The following MCTP1 variants were observed in gnomAD, a reference collection of about 807,000 sequenced individuals.
MCTP1 encodes the protein multiple C2 and transmembrane domain-containing protein 1.
Under a neutral mutation model 120.6 loss-of-function variants are expected in MCTP1, and 69 were observed. The ratio of observed to expected loss-of-function variants is 0.57; its 90% CI spans 0.47 to 0.70. The LOEUF is 0.70. Among genes scored for constraint, MCTP1 ranks in the 30% least tolerant of loss-of-function variants. The pLI, the probability that MCTP1 is intolerant of heterozygous loss-of-function variation, is 0.00. For synonymous variants in MCTP1, 529 were observed against 493.1 expected (o/e 1.07, Z -0.96); for missense variants, 1,203 against 1,248.8 (o/e 0.96, Z 0.55).
intron 1 of MCTP1, among the ~76,000 whole-genome samples, chr5:95,187,526 A>C (rs1250549846): frequency 2.0e-5 from 3 of 152,068 alleles, no homozygotes; most frequent in African/African-American, 2.4e-5. Flanking sequence ...CAGCCTCCCA[A>C]GTAGCTGGGA....
intron 1 of MCTP1, chr5:95,081,930 C>G (rs1754996349): frequency 3.2e-6 from 2 of 629,272 alleles, no homozygotes; most frequent in African/African-American, 4.0e-5. Flanking sequence ...TCTGCTTGTT[C>G]TCTGCAGTGA....
intron 1 of MCTP1, among the ~76,000 whole-genome samples, chr5:95,032,154 C>A (rs1840423781): frequency 6.6e-6 from 1 of 152,082 alleles, no homozygotes; most frequent in African/African-American, 2.4e-5. Context: ...GGGGCTTCAA[C>A]ACTCTACTGA....
intron 19 of MCTP1, chr5:94,739,500 A>G (rs1477722870): frequency 2.0e-5 from 3 of 152,210 alleles, no homozygotes; most frequent in African/African-American, 4.8e-5. Flanking sequence ...ATGGCATGGC[A>G]TTCGAATAAG....
At chr5:94,881,838 A>G (rs1395716985) in intron 12 of MCTP1, among the ~76,000 whole-genome samples, 1 of 152,172 alleles carries the variant, frequency 6.6e-6, no homozygotes, top group Non-Finnish European at 1.5e-5. Flanking sequence ...TTCTCAATTG[A>G]CGTGATTTTA....
chr5:94,832,642 ACAC>A (rs1241312323), intron 17 of MCTP1, among the ~76,000 whole-genome samples: 1 of 133,814 alleles, frequency 7.5e-6, no homozygotes, highest in African/African-American at 2.8e-5. Flanking sequence ...ACACACACAC[ACAC>A]ACTTCCCTAC....
intron 19 of MCTP1, among the ~76,000 whole-genome samples, chr5:94,738,105 A>G (rs1245063780): frequency 1.3e-5 from 2 of 152,220 alleles, no homozygotes; most frequent in East Asian, 3.8e-4. Context: ...CATTATACTT[A>G]AAACAGTATG....
At chr5:94,930,012 GT>G (rs889345812) in intron 6 of MCTP1, among the ~76,000 whole-genome samples, 1 of 152,026 alleles carries the variant, frequency 6.6e-6, no homozygotes, top group African/African-American at 2.4e-5. Context: ...ACTCAAATGA[GT>G]GCTGTTAGAC....
At chr5:94,785,553 ACT>A (rs759247721) in intron 18 of MCTP1, among the ~76,000 whole-genome samples, 5 of 152,108 alleles carry the variant, frequency 3.3e-5, no homozygotes, top group African/African-American at 4.8e-5. Flanking sequence ...TTAAAAGCTA[ACT>A]CTACTCACCA....
At chr5:95,053,664 G>A (rs1292761530) in intron 1 of MCTP1, among the ~76,000 whole-genome samples, 2 of 152,168 alleles carry the variant, frequency 1.3e-5, no homozygotes, top group Non-Finnish European at 2.9e-5. Context: ...GGAAAGCAAT[G>A]TTTTCTTTTG....
intron 1 of MCTP1, among the ~76,000 whole-genome samples, chr5:95,021,155 T>G (rs915005082): frequency 3.3e-5 from 5 of 152,078 alleles, no homozygotes; most frequent in Non-Finnish European, 2.9e-5. Context: ...TTTGCTTCCA[T>G]TTTCTTACCT....
At chr5:94,770,969 A>C (rs1255106972) in intron 19 of MCTP1, among the ~76,000 whole-genome samples, 1 of 152,156 alleles carries the variant, frequency 6.6e-6, no homozygotes, top group East Asian at 1.9e-4. Flanking sequence ...ATTGACATGA[A>C]ACTGAAAAGC....
At chr5:95,086,796 T>G (rs930358566) in intron 1 of MCTP1, among the ~76,000 whole-genome samples, 2 of 152,160 alleles carry the variant, frequency 1.3e-5, no homozygotes, top group African/African-American at 4.8e-5. Context: ...TGGTGAAAAT[T>G]TAAAAAGCCT....
chr5:94,869,944 A>G (rs1797518634), intron 16 of MCTP1, among the ~76,000 whole-genome samples: 1 of 152,108 alleles, frequency 6.6e-6, no homozygotes, highest in Admixed American at 6.6e-5. Flanking sequence ...GGTTTCCCTT[A>G]GAAGATGGAG....
chr5:94,896,666 A>G (rs1250332345), intron 10 of MCTP1, among the ~76,000 whole-genome samples: 2 of 152,202 alleles, frequency 1.3e-5, no homozygotes, highest in East Asian at 3.8e-4. Context: ...CAATTTTCAG[A>G]TGGAATCTGA....
intron 2 of MCTP1, among the ~76,000 whole-genome samples, chr5:94,961,185 T>C (rs969881272): frequency 4.7e-5 from 7 of 148,840 alleles, no homozygotes; most frequent in Admixed American, 2.1e-4. Context: ...GAAAACCAAA[T>C]AGTGCATGTT....
At chr5:94,732,852 T>A (rs1763391591) in intron 19 of MCTP1, among the ~76,000 whole-genome samples, 3 of 152,188 alleles carry the variant, frequency 2.0e-5, no homozygotes, top group Admixed American at 2.0e-4. Context: ...AGATACAAGT[T>A]TCTGTTGTTT....
chr5:95,215,468 C>A (rs1027599950), intron 1 of MCTP1, among the ~76,000 whole-genome samples: 1 of 152,114 alleles, frequency 6.6e-6, no homozygotes, highest in African/African-American at 2.4e-5. Context: ...AATCAGCTGT[C>A]TGGCAGAGAG....
intron 1 of MCTP1, chr5:95,081,591 A>G (rs1754944547): frequency 6.8e-7 from 1 of 1,475,106 alleles, no homozygotes; most frequent in Admixed American, 2.3e-5. Flanking sequence ...CCTCCAAGTG[A>G]TAGCAACAGC....
intron 1 of MCTP1, among the ~76,000 whole-genome samples, chr5:95,037,595 G>GT (rs1841570033): frequency 1.3e-5 from 2 of 152,202 alleles, no homozygotes; most frequent in Non-Finnish European, 2.9e-5. Context: ...GCCAGGTGCA[G>GT]TGGCTAACGT....
Sources: gnomAD v4.1 joint callset for allele counts (sites outside exome capture counted in the v4.1 genomes callset) on GRCh38, gnomAD v4.1.1 for gene constraint, MANE v1.5 for transcripts, NCBI Gene and HGNC (gene_info 2026-07-23, HGNC 2026-07-21) for gene names.